KCNMA1: variants seen among roughly 807,000 people sequenced by gnomAD.
KCNMA1 encodes the protein Calcium-activated potassium channel subunit alpha-1.
KCNMA1 carries 29 observed loss-of-function variants against 140.0 expected under a neutral mutation model. The ratio of observed to expected loss-of-function variants is 0.21; its 90% CI spans 0.15 to 0.28. The LOEUF (loss-of-function observed/expected upper bound fraction) is 0.28, where lower values mean the gene tolerates loss of function less well. Among genes scored for constraint, KCNMA1 ranks in the 10% least tolerant of loss-of-function variants. KCNMA1 has a pLI of 1.00. For missense variants in KCNMA1, 880 were observed against 1,602.2 expected (o/e 0.55, Z 7.70); for synonymous variants, 612 against 611.9 (o/e 1.00, Z 0.00).
chr10:77,176,323 G>A (rs1564999983), intron 5 of KCNMA1, among the ~76,000 whole-genome samples: 1 of 152,206 alleles, frequency 6.6e-6, no homozygotes, highest in Non-Finnish European at 1.5e-5. Flanking sequence ...CTACTAGGTG[G>A]AGGTTATGCA....
chr10:77,233,695 G>A (rs546939518), intron 3 of KCNMA1, among the ~76,000 whole-genome samples: 1 of 152,324 alleles, frequency 6.6e-6, no homozygotes, highest in Admixed American at 6.5e-5. Flanking sequence ...AGTCTTGCAA[G>A]CCTGCTGTGA....
chr10:76,895,288 G>A (rs746465572), intron 25 of KCNMA1, among the ~76,000 whole-genome samples: 3 of 152,126 alleles, frequency 2.0e-5, no homozygotes, highest in African/African-American at 2.4e-5. Context: ...GCCGCTGGCC[G>A]AATAAACCTC....
At chr10:77,035,145 G>T (rs1464249527) in intron 15 of KCNMA1, among the ~76,000 whole-genome samples, 1 of 152,234 alleles carries the variant, frequency 6.6e-6, no homozygotes, top group East Asian at 1.9e-4. Flanking sequence ...AAAGAGGAAA[G>T]CAATTTGCTG....
At chr10:77,096,744 T>A (rs1477149331) in intron 9 of KCNMA1, among the ~76,000 whole-genome samples, 1 of 152,204 alleles carries the variant, frequency 6.6e-6, no homozygotes, top group Non-Finnish European at 1.5e-5. Flanking sequence ...GCTCACTTTG[T>A]CAAAGAGGTA....
intron 13 of KCNMA1, 68 bp downstream of exon 13, chr10:77,079,413 T>A (rs562638659): frequency 1.5e-4 from 121 of 826,400 alleles, no homozygotes; most frequent in Middle Eastern, 2.6e-4. Flanking sequence ...TGAGCCTGTA[T>A]AATGAGGAAG....
intron 2 of KCNMA1, among the ~76,000 whole-genome samples, chr10:77,257,124 GA>G (rs564319685): frequency 6.6e-6 from 1 of 151,908 alleles, no homozygotes; most frequent in African/African-American, 2.4e-5. Context: ...ACACAAAAAA[GA>G]AAAAAATAGA....
chr10:77,098,156 T>G (rs1053768167), intron 9 of KCNMA1, among the ~76,000 whole-genome samples: 12 of 152,224 alleles, frequency 7.9e-5, no homozygotes, highest in African/African-American at 2.9e-4. Flanking sequence ...ACACATATTT[T>G]GTAGCTTGTA....
intron 1 of KCNMA1, among the ~76,000 whole-genome samples, chr10:77,429,384 T>G (rs934897529): frequency 1.9e-4 from 29 of 152,208 alleles, no homozygotes; most frequent in African/African-American, 7.0e-4. Context: ...CCAGTAGCTA[T>G]TCTCCTCCAT....
At chr10:77,412,699 G>A (rs570742159) in intron 1 of KCNMA1, among the ~76,000 whole-genome samples, 21 of 152,266 alleles carry the variant, frequency 1.4e-4, no homozygotes, top group South Asian at 4.1e-4. Context: ...GCAGGGCCCC[G>A]GACCCCGCGG....
chr10:77,358,590 T>C (rs2093690911), intron 2 of KCNMA1, among the ~76,000 whole-genome samples: 2 of 152,104 alleles, frequency 1.3e-5, no homozygotes, highest in South Asian at 4.2e-4. Flanking sequence ...CTCTAACGCC[T>C]GTCCCAGACC....
At chr10:77,025,205 T>C (rs2093283611) in intron 16 of KCNMA1, among the ~76,000 whole-genome samples, 1 of 139,198 alleles carries the variant, frequency 7.2e-6, no homozygotes. Context: ...ATAGGCTACT[T>C]CCAATTTATG....
chr10:77,164,693 T>C (rs779385130), intron 5 of KCNMA1, among the ~76,000 whole-genome samples: 1 of 152,176 alleles, frequency 6.6e-6, no homozygotes, highest in Non-Finnish European at 1.5e-5. Flanking sequence ...TTTGGTTTTC[T>C]TGTCCTGTTA....
chr10:77,103,687 A>G (rs2097145528), intron 9 of KCNMA1, among the ~76,000 whole-genome samples: 1 of 152,228 alleles, frequency 6.6e-6, no homozygotes, highest in Non-Finnish European at 1.5e-5. Context: ...TGTCCTTGAG[A>G]GCCTTTCATT....
At chr10:77,503,989 A>G (rs1440770699) in intron 1 of KCNMA1, among the ~76,000 whole-genome samples, 1 of 151,838 alleles carries the variant, frequency 6.6e-6, no homozygotes, top group East Asian at 1.9e-4. Flanking sequence ...AACAGTGAAG[A>G]GGGGGTCCAA....
chr10:77,404,109 G>A, intron 1 of KCNMA1, 86 bp from the exon 2 acceptor site: 1 of 1,394,368 alleles, frequency 7.2e-7, no homozygotes. Flanking sequence ...AGAGCCAGAA[G>A]GGGTCCCCAG....
chr10:77,282,731 G>GAAAC, intron 2 of KCNMA1, among the ~76,000 whole-genome samples: 2 of 152,254 alleles, frequency 1.3e-5, no homozygotes, highest in South Asian at 4.1e-4. Flanking sequence ...GCTCTGATAA[G>GAAAC]AAACACAGGT....
intron 1 of KCNMA1, among the ~76,000 whole-genome samples, chr10:77,455,805 G>A (rs1216237786): frequency 6.6e-6 from 1 of 152,182 alleles, no homozygotes; most frequent in African/African-American, 2.4e-5. Context: ...GCTGCACTGG[G>A]TGGAAATTGG....
intron 19 of KCNMA1, among the ~76,000 whole-genome samples, chr10:76,999,677 G>C (rs753554153): frequency 1.1e-4 from 16 of 152,146 alleles, no homozygotes; most frequent in Non-Finnish European, 1.9e-4. Context: ...GATTCATATG[G>C]TAGCATCTAA....
intron 1 of KCNMA1, among the ~76,000 whole-genome samples, chr10:77,463,558 A>G (rs748590417): frequency 6.6e-6 from 1 of 152,210 alleles, no homozygotes. Context: ...TTGATGGAGC[A>G]CACGCTAAAA....
Sources: allele counts gnomAD v4.1 joint callset (sites outside exome capture counted in the v4.1 genomes callset), GRCh38; gene constraint gnomAD v4.1.1; transcripts MANE v1.5; gene names NCBI Gene and HGNC (gene_info 2026-07-23, HGNC 2026-07-21).